The following CYRIB variants were observed in gnomAD, a reference collection of about 807,000 sequenced individuals.
CYRIB encodes CYFIP related Rac1 interactor B, also known as CYFIP-related Rac1 interactor B.
Under a neutral mutation model 44.2 loss-of-function variants are expected in CYRIB, and 8 were observed. The ratio of observed to expected loss-of-function variants is 0.18; its 90% CI spans 0.11 to 0.33. The LOEUF (loss-of-function observed/expected upper bound fraction) is 0.33, where lower values mean the gene tolerates loss of function less well. Among genes scored for constraint, CYRIB ranks in the 10% least tolerant of loss-of-function variants. The probability of loss-of-function intolerance (pLI) is 1.00; values close to 1 mark genes in which losing one functional copy is unlikely to be tolerated. For missense variants in CYRIB, 185 were observed against 382.8 expected (o/e 0.48, Z 4.31); for synonymous variants, 131 against 127.2 (o/e 1.03, Z -0.20).
chr8:129,994,941 C>A (rs2096733942), intron 1 of CYRIB, among the ~76,000 whole-genome samples: 1 of 152,182 alleles, frequency 6.6e-6, no homozygotes, highest in African/African-American at 2.4e-5. Flanking sequence ...AGTACTCAGC[C>A]CAGGGTCAGA....
At chr8:129,896,140 G>A (rs1344279941) in intron 2 of CYRIB, among the ~76,000 whole-genome samples, 2 of 152,118 alleles carry the variant, frequency 1.3e-5, no homozygotes, top group Non-Finnish European at 2.9e-5. Context: ...CAGCCTAACA[G>A]ACATTCTGTC....
intron 2 of CYRIB, among the ~76,000 whole-genome samples, chr8:129,882,504 C>T (rs1008020316): frequency 5.3e-5 from 8 of 152,240 alleles, no homozygotes; most frequent in African/African-American, 1.9e-4. Context: ...AACCTGAGTC[C>T]TTATCAACAC....
At chr8:129,857,488 G>C (rs966325363) in intron 5 of CYRIB, among the ~76,000 whole-genome samples, 1 of 152,184 alleles carries the variant, frequency 6.6e-6, no homozygotes, top group Non-Finnish European at 1.5e-5. Flanking sequence ...AAGGAGGAGG[G>C]TAACCAGGAC....
intron 11 of CYRIB, 36 bp downstream of exon 13, chr8:129,846,768 T>C (rs1197016758): frequency 4.2e-6 from 6 of 1,444,974 alleles, no homozygotes; most frequent in Non-Finnish European, 5.7e-6. Context: ...TCCTTACAGA[T>C]TTTTTCTGTA....
At chr8:129,972,859 T>A (rs1435714895) in intron 1 of CYRIB, among the ~76,000 whole-genome samples, 4 of 152,162 alleles carry the variant, frequency 2.6e-5, no homozygotes, top group Admixed American at 2.6e-4. Context: ...CAAGTGTGGC[T>A]TCTTTTCATT....
rs2094031921 is a variant in CYRIB, at chr8:129,944,965, T to A, written c.-243+25978A>T. Among the ~76,000 whole-genome samples, 3 of 152,144 alleles carry A rather than the reference T, an allele frequency of 2.0e-5. No individual in the cohort carries two copies. In the South Asian group the frequency reaches 6.2e-4, roughly 31 times the overall value. On this transcript the variant is annotated intron_variant, in intron 2 of 14. Coordinates refer to the CYRIB transcript ENST00000401979. ...CTCAGTTTCCTTCAGTTGCTAAAGG[T>A]CCACATCCTACATGGCTGGTTTACC... is the stretch of plus-strand genomic sequence containing the variant.
At chr8:129,898,640 T>C (rs2069591752) in intron 2 of CYRIB, among the ~76,000 whole-genome samples, 1 of 152,188 alleles carries the variant, frequency 6.6e-6, no homozygotes, top group African/African-American at 2.4e-5. Context: ...ATTAAAATCA[T>C]TCTCTTAAAT....
At chr8:129,869,662 T>C (rs1299249938) in intron 4 of CYRIB, among the ~76,000 whole-genome samples, 1 of 152,336 alleles carries the variant, frequency 6.6e-6, no homozygotes, top group Non-Finnish European at 1.5e-5. Context: ...GAAATGCTTA[T>C]ATGCCTTAGT....
At chr8:130,012,164 A>G (rs2097238263) in intron 1 of CYRIB, among the ~76,000 whole-genome samples, 1 of 152,274 alleles carries the variant, frequency 6.6e-6, no homozygotes, top group South Asian at 2.1e-4. Flanking sequence ...CACGATGTTC[A>G]AGGAGCAGAT....
At position 129,909,315 on chromosome 8, in the gene CYRIB, C is replaced by T. The variant is rs117797753; in HGVS notation, c.-49-5965G>A. The stretch of plus-strand genomic sequence containing the variant: ...CCCTTTATTATAAGGGTAAAACATG[C>T]TCACTACACAAAATACATAAAGAAA... On this transcript the variant is annotated intron_variant, in intron 1 of 11. Transcript: ENST00000519824. 4.3e-4 allele frequency among the ~76,000 whole-genome samples: 65 copies of T among 152,142 alleles called. 1 individual carries two copies. The East Asian group carries it at 0.011, about 27-fold the overall frequency.
intron 1 of CYRIB, among the ~76,000 whole-genome samples, chr8:129,928,464 T>C (rs1340122344): frequency 2.0e-5 from 3 of 151,690 alleles, no homozygotes; most frequent in African/African-American, 7.3e-5. Context: ...ACAACCCAAT[T>C]AAAAATGGGC....
chr8:129,884,875 C>G (rs937656949), intron 2 of CYRIB, among the ~76,000 whole-genome samples: 1 of 152,110 alleles, frequency 6.6e-6, no homozygotes, highest in African/African-American at 2.4e-5. Context: ...ACTATGAGCC[C>G]TTACATTAGA....
Position 129,864,630 on chromosome 8 carries a change from G to A in CYRIB, c.196-2296C>T, listed in dbSNP as rs2052332893. The A allele has an allele frequency of 2.0e-5, 4 of 200,998 alleles. No individual in the cohort carries two copies. The South Asian group carries it at 2.8e-4, about 14-fold the overall frequency. 12.5% of individuals were successfully genotyped at this position (200,998 alleles called of 1,614,324 possible). On this transcript the variant is annotated intron_variant, in intron 4 of 11. Coordinates refer to ENST00000519824, the Ensembl canonical transcript of CYRIB. ...AAGTGTGCAGACTAGGCCACACAAG[G>A]TTATGTCATATATAGGATTTGTGTG...
intron 1 of CYRIB, among the ~76,000 whole-genome samples, chr8:129,986,156 G>T (rs1009257040): frequency 6.6e-6 from 1 of 152,188 alleles, no homozygotes; most frequent in Admixed American, 6.5e-5. Flanking sequence ...ACTGGTAAGG[G>T]GCATGAAGAT....
chr8:130,015,592 C>G (rs987996221), intron 1 of CYRIB, among the ~76,000 whole-genome samples: 2 of 152,130 alleles, frequency 1.3e-5, no homozygotes, highest in Admixed American at 1.3e-4. Context: ...AGCAAAGGCA[C>G]ACTCCAAGTA....
chr8:129,884,676 T>C (rs369772310), intron 2 of CYRIB, among the ~76,000 whole-genome samples: 4 of 152,350 alleles, frequency 2.6e-5, no homozygotes, highest in East Asian at 3.9e-4. Flanking sequence ...AACTAAGTCT[T>C]ACTATCTGAA....
intron 1 of CYRIB, among the ~76,000 whole-genome samples, chr8:129,939,152 G>A (rs1256322991): frequency 6.6e-6 from 1 of 152,146 alleles, no homozygotes; most frequent in East Asian, 1.9e-4. Context: ...CGAAGCCCGG[G>A]GGATAAGGGG....
Position 130,002,535 on chromosome 8 carries a change from A to G in CYRIB, c.-296+13835T>C, listed in dbSNP as rs146991678. Among the ~76,000 whole-genome samples, 1,145 of 152,308 alleles carry G rather than the reference A, an allele frequency of 7.5e-3. 18 individuals carry two copies. Among genetic ancestry groups the G allele is most frequent in the African/African-American group, 0.026 (1,075 of 41,568 alleles). On this transcript the variant is annotated intron_variant, in intron 1 of 14. Transcript: ENST00000401979. ...CTTACAATAAAAGTAACATAATCAC[A>G]TTAGAAAAAAACGTGAAAATGAGAG...
chr8:129,896,583 T>C (rs945216671), intron 2 of CYRIB: 9 of 96,464 alleles, frequency 9.3e-5, no homozygotes, highest in South Asian at 6.8e-4. Flanking sequence ...TCTTCAGAAG[T>C]AGCAATTTTA....
Sources: allele counts gnomAD v4.1 joint callset (sites outside exome capture counted in the v4.1 genomes callset), GRCh38; gene constraint gnomAD v4.1.1; transcripts MANE v1.5; gene names NCBI Gene and HGNC (gene_info 2026-07-23, HGNC 2026-07-21).